GREB1L: variants seen among roughly 807,000 people sequenced by gnomAD.
The protein encoded by GREB1L is GREB1 like retinoic acid receptor coactivator, also known as GREB1-like protein.
GREB1L carries 17 observed loss-of-function variants against 200.8 expected under a neutral mutation model. The observed-to-expected ratio is 0.08, with a 90% CI of 0.06 to 0.13. GREB1L has a LOEUF of 0.13. Ranked by LOEUF, GREB1L falls within the 10% of genes least tolerant of loss-of-function variation. The probability of loss-of-function intolerance (pLI) is 1.00; values close to 1 mark genes in which losing one functional copy is unlikely to be tolerated. For synonymous variants in GREB1L, 789 were observed against 893.0 expected (o/e 0.88, Z 2.08); for missense variants, 1,657 against 2,367.7 (o/e 0.70, Z 6.23).
chr18:21,339,697 A>T (rs1479159836), intron 1 of GREB1L, among the ~76,000 whole-genome samples: 1 of 152,220 alleles, frequency 6.6e-6, no homozygotes, highest in Non-Finnish European at 1.5e-5. Context: ...CAGTTCTGAG[A>T]TGTTGTTTAT....
chr18:21,436,459 C>T (rs1012140618), intron 7 of GREB1L, among the ~76,000 whole-genome samples: 1 of 151,956 alleles, frequency 6.6e-6, no homozygotes, highest in African/African-American at 2.4e-5. Flanking sequence ...CAAAGTGAGA[C>T]CTTGTCTCTA....
intron 1 of GREB1L, among the ~76,000 whole-genome samples, chr18:21,327,650 TAA>T (rs991888884): frequency 5.9e-5 from 8 of 135,468 alleles, no homozygotes; most frequent in Admixed American, 7.6e-5. Context: ...TTTTATCTGT[TAA>T]AAAAAAAAAA....
At chr18:21,383,966 C>T (rs903133958) in intron 3 of GREB1L, among the ~76,000 whole-genome samples, 7 of 151,962 alleles carry the variant, frequency 4.6e-5, no homozygotes, top group African/African-American at 9.7e-5. Flanking sequence ...CGCCCGCCTC[C>T]GCCTCCCAAA....
At chr18:21,342,435 C>G (rs1428742939) in intron 1 of GREB1L, among the ~76,000 whole-genome samples, 2 of 152,016 alleles carry the variant, frequency 1.3e-5, no homozygotes, top group Admixed American at 1.3e-4. Context: ...AAGACAATTT[C>G]TTAATGTGCC....
intron 1 of GREB1L, among the ~76,000 whole-genome samples, chr18:21,361,136 G>A (rs926313163): frequency 4.6e-5 from 7 of 152,132 alleles, no homozygotes; most frequent in African/African-American, 1.7e-4. Context: ...CACACTGAAG[G>A]ATACTGGCTA....
chr18:21,434,175 A>G (rs1458687769), intron 7 of GREB1L, among the ~76,000 whole-genome samples: 2 of 152,110 alleles, frequency 1.3e-5, no homozygotes, highest in African/African-American at 4.8e-5. Context: ...AATACATCTC[A>G]TTAAAATCTG....
At chr18:21,296,907 G>A (rs1453331795) in intron 1 of GREB1L, among the ~76,000 whole-genome samples, 2 of 152,026 alleles carry the variant, frequency 1.3e-5, no homozygotes, top group African/African-American at 2.4e-5. Flanking sequence ...CACCCTCCTC[G>A]GCCTCCCAGA....
intron 21 of GREB1L, among the ~76,000 whole-genome samples, chr18:21,497,161 T>C (rs948816994): frequency 6.6e-6 from 1 of 152,218 alleles, no homozygotes; most frequent in African/African-American, 2.4e-5. Flanking sequence ...CATTGTATGC[T>C]GAGGGCTCCT....
chr18:21,371,958 G>T (rs1321464050), intron 2 of GREB1L, among the ~76,000 whole-genome samples: 1 of 152,042 alleles, frequency 6.6e-6, no homozygotes, highest in African/African-American at 2.4e-5. Context: ...TGAACAATTT[G>T]CCCAATATCA....
chr18:21,383,958 CCCGCCT>C (rs1390804488), intron 3 of GREB1L, among the ~76,000 whole-genome samples: 2 of 152,080 alleles, frequency 1.3e-5, no homozygotes, highest in African/African-American at 4.8e-5. Context: ...TCGTGATCCG[CCCGCCT>C]CCGCCTCCCA....
intron 1 of GREB1L, among the ~76,000 whole-genome samples, chr18:21,284,151 G>T (rs2144492410): frequency 6.6e-6 from 1 of 151,900 alleles, no homozygotes; most frequent in East Asian, 1.9e-4. Flanking sequence ...TTGATTCAAT[G>T]GTCTGTTAAA....
intron 1 of GREB1L, among the ~76,000 whole-genome samples, chr18:21,355,767 C>G (rs1567949203): frequency 6.6e-6 from 1 of 152,034 alleles, no homozygotes; most frequent in Non-Finnish European, 1.5e-5. Context: ...ATTTATTGAC[C>G]CAGAGTTCTT....
chr18:21,504,304 G>A (rs111570386), intron 23 of GREB1L, among the ~76,000 whole-genome samples: 2 of 152,242 alleles, frequency 1.3e-5, no homozygotes, highest in African/African-American at 4.8e-5. Context: ...GGGAGGCCAA[G>A]GTGGGAAGAT....
intron 1 of GREB1L, among the ~76,000 whole-genome samples, chr18:21,291,112 G>A (rs111971790): frequency 6.6e-6 from 1 of 152,024 alleles, no homozygotes; most frequent in Non-Finnish European, 1.5e-5. Context: ...CTTCAGCCAG[G>A]TGATCACACA....
chr18:21,340,833 C>T (rs2039259601), intron 1 of GREB1L, among the ~76,000 whole-genome samples: 1 of 152,072 alleles, frequency 6.6e-6, no homozygotes, highest in Non-Finnish European at 1.5e-5. Context: ...GTTGAGCCAC[C>T]GCACCCGGCC....
chr18:21,271,401 C>T (rs988326176), intron 1 of GREB1L, among the ~76,000 whole-genome samples: 26 of 151,688 alleles, frequency 1.7e-4, no homozygotes, highest in African/African-American at 2.2e-4. Flanking sequence ...AATCCCAGCG[C>T]GTTGAGAGGC....
intron 7 of GREB1L, among the ~76,000 whole-genome samples, chr18:21,433,087 A>G (rs532743821): frequency 6.6e-6 from 1 of 152,326 alleles, no homozygotes; most frequent in African/African-American, 2.4e-5. Flanking sequence ...GTACTTATGA[A>G]CACATAGTGA....
chr18:21,484,929 A>C (rs2036070775), intron 17 of GREB1L, among the ~76,000 whole-genome samples: 1 of 152,236 alleles, frequency 6.6e-6, no homozygotes, highest in African/African-American at 2.4e-5. Flanking sequence ...AGAAAGCTAC[A>C]AACAAAAACA....
At chr18:21,247,560 C>T (rs2037627900) in intron 1 of GREB1L, among the ~76,000 whole-genome samples, 1 of 152,106 alleles carries the variant, frequency 6.6e-6, no homozygotes, top group Non-Finnish European at 1.5e-5. Context: ...AGGAGGAGAC[C>T]TGCTTGTTAC....
Sources: gnomAD v4.1 joint callset for allele counts (sites outside exome capture counted in the v4.1 genomes callset) on GRCh38, gnomAD v4.1.1 for gene constraint, MANE v1.5 for transcripts, NCBI Gene and HGNC (gene_info 2026-07-23, HGNC 2026-07-21) for gene names.